Variants in SPECC1 observed in about 807,000 individuals in gnomAD.
The protein encoded by SPECC1 is cytospin-B.
In SPECC1, 62 loss-of-function variants were observed where a neutral mutation model predicts 104.1. The ratio of observed to expected loss-of-function variants is 0.60; its 90% confidence interval spans 0.49 to 0.74. The LOEUF is 0.74. Ranked by LOEUF, SPECC1 falls within the 30% of genes least tolerant of loss-of-function variation. The pLI is 0.00. For missense variants in SPECC1, 1,306 were observed against 1,310.5 expected (o/e 1.00, Z 0.05); for synonymous variants, 513 against 501.6 (o/e 1.02, Z -0.30).
intron 1 of SPECC1, among the ~76,000 whole-genome samples, chr17:20,053,647 A>G (rs1373817272): frequency 6.6e-6 from 1 of 152,222 alleles, no homozygotes; most frequent in African/African-American, 2.4e-5. Flanking sequence ...AGAGAGGCTC[A>G]CTTGGCAATG....
chr17:20,036,146 T>G (rs1243712161), intron 1 of SPECC1, among the ~76,000 whole-genome samples: 1 of 151,940 alleles, frequency 6.6e-6, no homozygotes, highest in African/African-American at 2.4e-5. Context: ...TTTATTTTAT[T>G]TTTTTTGAGA....
chr17:20,306,173 A>T (rs2041757882), intron 14 of SPECC1, 91 bp downstream of exon 14: 1 of 1,263,514 alleles, frequency 7.9e-7, no homozygotes, highest in Admixed American at 1.9e-5. Flanking sequence ...TAGAACATTG[A>T]CATCTGTTTG....
chr17:20,240,608 T>C (rs568162581), intron 7 of SPECC1, among the ~76,000 whole-genome samples: 1 of 152,292 alleles, frequency 6.6e-6, no homozygotes, highest in Non-Finnish European at 1.5e-5. Context: ...GTGGTTCTTT[T>C]TCTCCCACTG....
chr17:20,186,706 C>T (rs2035303668), intron 3 of SPECC1, among the ~76,000 whole-genome samples: 1 of 152,136 alleles, frequency 6.6e-6, no homozygotes, highest in African/African-American at 2.4e-5. Context: ...GCTAGAGCTG[C>T]AGGCAGACAC....
chr17:20,178,593 A>C (rs1166475745), intron 3 of SPECC1, among the ~76,000 whole-genome samples: 2 of 152,216 alleles, frequency 1.3e-5, no homozygotes, highest in Admixed American at 6.5e-5. Context: ...TCCTGATTTA[A>C]AACTTTTACT....
At chr17:20,221,626 A>T (rs566648107) in intron 4 of SPECC1, among the ~76,000 whole-genome samples, 58 of 150,398 alleles carry the variant, frequency 3.9e-4, no homozygotes, top group Admixed American at 8.6e-4. Flanking sequence ...GATCTTTTGT[A>T]TTTTTTTCAT....
chr17:20,190,991 G>T (rs1053344890), intron 3 of SPECC1, among the ~76,000 whole-genome samples: 1 of 152,086 alleles, frequency 6.6e-6, no homozygotes, highest in African/African-American at 2.4e-5. Context: ...GTCATAGTTG[G>T]AATCATACTG....
At chr17:20,252,900 G>C (rs926356693) in intron 9 of SPECC1, among the ~76,000 whole-genome samples, 1 of 152,106 alleles carries the variant, frequency 6.6e-6, no homozygotes, top group Non-Finnish European at 1.5e-5. Flanking sequence ...GGTGTTGCTG[G>C]ATCATTTGGT....
chr17:20,124,116 G>A (rs1395122857), intron 3 of SPECC1, among the ~76,000 whole-genome samples: 2 of 152,116 alleles, frequency 1.3e-5, no homozygotes, highest in Admixed American at 1.3e-4. Context: ...GGAGGGCCAT[G>A]AGCCAGGGAT....
chr17:20,029,397 TATC>T (rs1340184320), intron 1 of SPECC1, among the ~76,000 whole-genome samples: 2 of 152,224 alleles, frequency 1.3e-5, no homozygotes, highest in African/African-American at 4.8e-5. Context: ...GTTTATCAGT[TATC>T]ATAGTGTCTT....
intron 3 of SPECC1, among the ~76,000 whole-genome samples, chr17:20,193,866 A>G (rs1422249101): frequency 6.6e-6 from 1 of 152,224 alleles, no homozygotes; most frequent in Non-Finnish European, 1.5e-5. Flanking sequence ...AGATTTTTAC[A>G]TTATCCATCC....
At chr17:20,070,612 T>A (rs142619233) in intron 1 of SPECC1, among the ~76,000 whole-genome samples, 2 of 152,212 alleles carry the variant, frequency 1.3e-5, no homozygotes, top group Non-Finnish European at 2.9e-5. Context: ...GGATATACCA[T>A]AATCTAACCA....
chr17:20,136,546 G>A (rs927290597), intron 3 of SPECC1, among the ~76,000 whole-genome samples: 7 of 151,984 alleles, frequency 4.6e-5, no homozygotes, highest in African/African-American at 1.7e-4. Flanking sequence ...AAATGTAAAG[G>A]GTTACAGTGA....
In SPECC1 at chr17:20,200,587, A is replaced by G. The variant is rs144917261; in HGVS notation, c.284-3746A>G. ...TCCCTTATGTGGTGCTGTGTAAGGA[A>G]GCATGGCCAGTCTCAGGACTTCAGA... On this transcript the variant is annotated intron_variant, in intron 3 of 14. Coordinates refer to ENST00000395527, the MANE Select transcript of SPECC1 (RefSeq NM_001243439.2). 8.1e-3 allele frequency among the ~76,000 whole-genome samples: 1,229 copies of G among 152,290 alleles called. 20 individuals are homozygous for G. The highest frequency in any genetic ancestry group is 0.027 in the African/African-American group (1,130 of 41,568).
Position 20,104,508 on chromosome 17 carries a change from C to T in SPECC1, c.148-5919C>T, listed in dbSNP as rs531234512. Among the ~76,000 whole-genome samples, 19 of 151,874 alleles carry T rather than the reference C, an allele frequency of 1.3e-4. No individual in the cohort carries two copies. In the East Asian group the frequency reaches 2.3e-3, roughly 19 times the overall value. ...CTGTAATCCCGCCACTTTGGGAGGCCGAGGCAGGTGGATCACCTGAGGTCA... is the reference window on the plus strand; with the variant it reads ...CTGTAATCCCGCCACTTTGGGAGGCTGAGGCAGGTGGATCACCTGAGGTCA... On this transcript the variant is annotated intron_variant, in intron 2 of 14. Transcript: ENST00000395527.
chr17:20,108,026 G>A (rs745502915), intron 2 of SPECC1, among the ~76,000 whole-genome samples: 2 of 152,062 alleles, frequency 1.3e-5, no homozygotes, highest in Admixed American at 6.6e-5. Flanking sequence ...GACTTCTACC[G>A]TCATCCCTCT....
intron 3 of SPECC1, among the ~76,000 whole-genome samples, chr17:20,200,700 C>A (rs2036368948): frequency 6.6e-6 from 1 of 152,192 alleles, no homozygotes; most frequent in Non-Finnish European, 1.5e-5. Context: ...TTTTCCCTGT[C>A]AGTACCCACG....
intron 1 of SPECC1, among the ~76,000 whole-genome samples, chr17:20,080,391 A>G (rs2046921447): frequency 6.6e-6 from 1 of 152,142 alleles, no homozygotes; most frequent in South Asian, 2.1e-4. Context: ...GTTTAATTAC[A>G]AGCGTGAGAT....
intron 3 of SPECC1, 35 bp downstream of exon 3, chr17:20,110,597 A>G (rs1220448541): frequency 3.1e-6 from 5 of 1,591,112 alleles, no homozygotes; most frequent in Non-Finnish European, 4.3e-6. Context: ...TCGGCAGGCC[A>G]TCAGTCCTGG....
Sources: allele counts gnomAD v4.1 joint callset (sites outside exome capture counted in the v4.1 genomes callset), GRCh38; gene constraint gnomAD v4.1.1; transcripts MANE v1.5; gene names NCBI Gene and HGNC (gene_info 2026-07-23, HGNC 2026-07-21).